MYZAP: variants seen among roughly 807,000 people sequenced by gnomAD.
MYZAP encodes myocardial zonula adherens protein.
MYZAP carries 66 observed loss-of-function variants against 69.4 expected under a neutral mutation model. That is an observed-to-expected ratio of 0.95 (90% CI 0.78 to 1.17). The LOEUF (loss-of-function observed/expected upper bound fraction) is 1.17, where lower values mean the gene tolerates loss of function less well. Among genes scored for constraint, MYZAP ranks in the 50% most tolerant of loss-of-function variants. The pLI is 0.00. For synonymous variants in MYZAP, 256 were observed against 205.9 expected, an observed-to-expected ratio of 1.24 and a Z score of -2.09; for missense variants, 611 against 556.2, an observed-to-expected ratio of 1.10 and a Z score of -0.99.
chr15:57,657,141 C>G (rs1195733190), intron 10 of MYZAP, among the ~76,000 whole-genome samples: 1 of 152,184 alleles, frequency 6.6e-6, no homozygotes, highest in Non-Finnish European at 1.5e-5. Context: ...TGTTTTAAAA[C>G]CACCTCTCTT....
intron 3 of MYZAP, among the ~76,000 whole-genome samples, chr15:57,620,886 G>GGGTGATA (rs1254448121): frequency 6.6e-6 from 1 of 151,974 alleles, no homozygotes; most frequent in Non-Finnish European, 1.5e-5. Flanking sequence ...TGTCATTTGA[G>GGGTGATA]GGTGATAGGT....
chr15:57,674,902 G>A lies in MYZAP; in HGVS notation c.1204-66G>A, dbSNP rs1032578680. ...CAAAATCAGATAATACATATAAATTGTATCATGCATATTTGAGGGGGAACA... is the reference window on the plus strand; with the variant it reads ...CAAAATCAGATAATACATATAAATTATATCATGCATATTTGAGGGGGAACA... On this transcript the variant is annotated intron_variant, in intron 11 of 12. Coordinates refer to ENST00000267853, the MANE Select transcript of MYZAP (RefSeq NM_001018100.5). 41 of 1,372,474 alleles carry A rather than the reference G, an allele frequency of 3.0e-5. No homozygotes were observed. The African/African-American group carries it at 5.8e-4, about 19-fold the overall frequency. 85.0% of individuals were successfully genotyped at this position (1,372,474 alleles called of 1,614,324 possible).
chr15:57,615,024 C>T (rs1195359066), intron 2 of MYZAP, among the ~76,000 whole-genome samples: 9 of 152,210 alleles, frequency 5.9e-5, no homozygotes, highest in African/African-American at 2.2e-4. Context: ...CTCAGGAGTC[C>T]TCTCCCCTGG....
rs1403504400 is a variant in MYZAP, at chr15:57,684,545, C to A, written c.*47C>A. 1 of 1,244,798 alleles carries A rather than the reference C, an allele frequency of 8.0e-7. No homozygotes were observed. The highest frequency in any genetic ancestry group is 1.5e-5 in the African/African-American group (1 of 66,538). The allele number at this position is 1,244,798 out of a possible 1,614,324, so 77.1% of individuals were successfully genotyped here. ...TTACAGATGGACAAAAGCTCTGGAA[C>A]CCTGTGGCTTCAAATCCTTTGGGAA... On this transcript the variant is annotated 3_prime_UTR_variant, in exon 13 of 13. Transcript: ENST00000267853.
intron 11 of MYZAP, among the ~76,000 whole-genome samples, chr15:57,665,343 T>A (rs1245403612): frequency 1.3e-5 from 2 of 152,368 alleles, no homozygotes; most frequent in East Asian, 3.9e-4. Context: ...TTTGCAGAAT[T>A]CATAGGAGTT....
At chr15:57,660,141 C>G (rs1179181926) in intron 10 of MYZAP, among the ~76,000 whole-genome samples, 1 of 152,064 alleles carries the variant, frequency 6.6e-6, no homozygotes, top group Non-Finnish European at 1.5e-5. Context: ...TTTGTGTTTC[C>G]TAAAATAACA....
At chr15:57,650,226 G>A (rs1205913065) in intron 10 of MYZAP, among the ~76,000 whole-genome samples, 1 of 152,070 alleles carries the variant, frequency 6.6e-6, no homozygotes, top group Non-Finnish European at 1.5e-5. Flanking sequence ...GAACAATCCT[G>A]TTTTCCTGCC....
rs1323523078 is a variant in MYZAP, at chr15:57,629,783, A to G, written c.607A>G (p.Met203Val). The change falls in exon 6 of 13, where the codon ATG (methionine) becomes GTG (valine). Residue 203 changes from methionine to valine, a missense_variant. By Grantham distance (21) the Met-to-Val change is conservative. Coordinates refer to ENST00000267853, the MANE Select transcript of MYZAP (RefSeq NM_001018100.5). ...TCTGCAGCAGACGTATGAAGCATCC[A>G]TGGACAAGCTGAGGGAAAAGCAGAG... ...RNLQQTYEAS[M>V]DKLREKQRQL... The G allele has an allele frequency of 1.9e-6, 3 of 1,614,000 alleles. No individual in the cohort carries two copies. Among genetic ancestry groups the G allele is most frequent in the East Asian group, 2.2e-5 (1 of 44,896 alleles).
chr15:57,684,192 A>T (rs7172368), intron 12 of MYZAP, among the ~76,000 whole-genome samples: 3,109 of 152,206 alleles, frequency 0.02, 117 homozygotes, highest in African/African-American at 0.071. Flanking sequence ...ACATCACCTT[A>T]GGGGTTAGGA....
intron 8 of MYZAP, among the ~76,000 whole-genome samples, chr15:57,634,651 G>A (rs2036706772): frequency 6.6e-6 from 1 of 152,226 alleles, no homozygotes; most frequent in African/African-American, 2.4e-5. Flanking sequence ...CCCCTCATAA[G>A]GCGAGGTGTC....
chr15:57,594,376 A>T (rs2033920774), intron 1 of MYZAP, among the ~76,000 whole-genome samples: 1 of 152,308 alleles, frequency 6.6e-6, no homozygotes, highest in Admixed American at 6.5e-5. Context: ...TCGGCCTCCC[A>T]AAGTGCTGGG....
At chr15:57,632,273 C>G (rs2036550273) in intron 6 of MYZAP, among the ~76,000 whole-genome samples, 161 bp from the exon 7 acceptor site, 2 of 152,238 alleles carry the variant, frequency 1.3e-5, no homozygotes, top group Admixed American at 1.3e-4. Context: ...GCTCACCCCT[C>G]TTCCTCCCTT....
intron 8 of MYZAP, among the ~76,000 whole-genome samples, chr15:57,634,287 G>A (rs2036681889): frequency 6.6e-6 from 1 of 152,130 alleles, no homozygotes; most frequent in Non-Finnish European, 1.5e-5. Context: ...AGTGGAGGAA[G>A]GGGAGGAAGT....
In MYZAP at chr15:57,641,159, T is replaced by TA. The variant is rs1253962362; in HGVS notation, c.1119+1615dup. Among the ~76,000 whole-genome samples, 3 of 152,284 alleles carry TA rather than the reference T, an allele frequency of 2.0e-5. No individual in the cohort carries two copies. In the East Asian group the frequency reaches 5.8e-4, roughly 29 times the overall value. ...CTGTGTCATTCTTGTATCTAATCGTTAGAGAACTATTGAACAAAACCTCAT... is the reference window on the plus strand; with the variant it reads ...CTGTGTCATTCTTGTATCTAATCGTTAAGAGAACTATTGAACAAAACCTCAT... On this transcript the variant is annotated intron_variant, in intron 10 of 12. Transcript: ENST00000267853.
intron 4 of MYZAP, among the ~76,000 whole-genome samples, chr15:57,625,280 G>C (rs1262617731): frequency 6.6e-6 from 1 of 152,096 alleles, no homozygotes; most frequent in African/African-American, 2.4e-5. Context: ...CACCACGTTG[G>C]CCAGGCTGGT....
intron 2 of MYZAP, among the ~76,000 whole-genome samples, chr15:57,605,796 A>G (rs1248339965): frequency 9.2e-5 from 14 of 152,214 alleles, no homozygotes; most frequent in Non-Finnish European, 1.6e-4. Flanking sequence ...TCTGGAAAAT[A>G]AGGTTTCACT....
chr15:57,679,515 T>C (rs1204402464), intron 12 of MYZAP, among the ~76,000 whole-genome samples: 1 of 152,090 alleles, frequency 6.6e-6, no homozygotes, highest in Non-Finnish European at 1.5e-5. Context: ...TCAATATTTG[T>C]TGAATGGAGC....
intron 10 of MYZAP, among the ~76,000 whole-genome samples, chr15:57,655,039 G>A (rs1371802885): frequency 6.6e-6 from 1 of 152,114 alleles, no homozygotes; most frequent in African/African-American, 2.4e-5. Context: ...TCTAGTACAA[G>A]GGAAAAAAGT....
chr15:57,608,523 A>G (rs1367119097), intron 2 of MYZAP, among the ~76,000 whole-genome samples: 1 of 152,170 alleles, frequency 6.6e-6, no homozygotes, highest in Admixed American at 6.5e-5. Context: ...TTAGTCCTTC[A>G]GGAGACATCA....
Sources: allele counts gnomAD v4.1 joint callset (sites outside exome capture counted in the v4.1 genomes callset), GRCh38; gene constraint gnomAD v4.1.1; transcripts MANE v1.5; gene names NCBI Gene and HGNC (gene_info 2026-07-23, HGNC 2026-07-21).